Variants in E4F1 observed in about 807,000 individuals in gnomAD.
The protein encoded by E4F1 is transcription factor E4F1.
Under a neutral mutation model 72.9 loss-of-function variants are expected in E4F1, and 30 were observed. The ratio of observed to expected loss-of-function variants is 0.41; its 90% CI spans 0.31 to 0.56. E4F1 has a LOEUF of 0.56. Among genes scored for constraint, E4F1 ranks in the 20% least tolerant of loss-of-function variants. The probability of loss-of-function intolerance (pLI) is 0.25; values close to 1 mark genes in which losing one functional copy is unlikely to be tolerated. For synonymous variants in E4F1, 542 were observed against 478.2 expected (o/e 1.13, Z -1.74); for missense variants, 1,091 against 1,117.5 (o/e 0.98, Z 0.34).
Position 2,223,601 on chromosome 16 carries a change from G to A in E4F1, c.-13G>A. Reference sequence around the variant, plus strand: ...GGTCGTAAATCCGCCATCTTCCTGCGGCGCGTTGCGACATGGAGGGCGCGA... The same window carrying A: ...GGTCGTAAATCCGCCATCTTCCTGCAGCGCGTTGCGACATGGAGGGCGCGA... On this transcript the variant is annotated 5_prime_UTR_variant, in exon 1 of 14. Coordinates refer to ENST00000301727, the MANE Select transcript of E4F1 (RefSeq NM_004424.5). 1.3e-6 allele frequency: 2 copies of A among 1,583,948 alleles called. No individual in the cohort carries two copies. Among genetic ancestry groups the A allele is most frequent in the Non-Finnish European group, 8.5e-7 (1 of 1,171,490 alleles).
Position 2,232,796 on chromosome 16 carries a change from C to T in E4F1, c.771C>T (p.Phe257=). 6.2e-7 allele frequency: 1 copy of T among 1,613,382 alleles called. No individual in the cohort carries two copies. The highest frequency in any genetic ancestry group is 1.3e-5 in the African/African-American group (1 of 75,040). ...PYKCSKCGKS[F]RESGALTRHL... ...AGTGCTCCAAGTGTGGAAAGAGCTT[C>T]CGGGAGTCGGGTGCACTGACCCGGC... Residue 257 remains phenylalanine, a synonymous_variant, in exon 6 of 14, where the codon TTC becomes TTT. Coordinates refer to ENST00000301727, the MANE Select transcript of E4F1 (RefSeq NM_004424.5).
chr16:2,232,016 C>T (rs2093470459), intron 3 of E4F1, 155 bp from the exon 4 acceptor site: 1 of 892,220 alleles, frequency 1.1e-6, no homozygotes, highest in Non-Finnish European at 1.7e-6. Context: ...TGAATGGGAC[C>T]TTGGCTGTTG....
Position 2,232,468 on chromosome 16 carries a change from A to C in E4F1, c.622A>C (p.Lys208Gln), listed in dbSNP as rs1438279134. ...HKTFKTGSIL[K>Q]AHMVTHSSRK... ...CCCTCCCCCACAGGGCAGCATCCTC[A>C]AGGCCCACATGGTCACTCACAGCAG... Residue 208 changes from lysine to glutamine, a missense_variant, in exon 5 of 14, where the codon AAG becomes CAG. This residue lies in a region of E4F1 where 362 missense variants were observed against 358.6 expected (regional missense o/e 1.01). Transcript: ENST00000301727. 6.2e-7 allele frequency: 1 copy of C among 1,610,896 alleles called. No individual in the cohort carries two copies.
chr16:2,226,307 A>C (rs2093432513), intron 1 of E4F1, among the ~76,000 whole-genome samples: 1 of 152,134 alleles, frequency 6.6e-6, no homozygotes, highest in Admixed American at 6.6e-5. Flanking sequence ...GTCTGGTGTG[A>C]AATGGGCTGG....
chr16:2,232,641 A>G (rs994404438), intron 5 of E4F1, 65 bp downstream of exon 5: 3 of 1,604,126 alleles, frequency 1.9e-6, no homozygotes, highest in African/African-American at 2.7e-5. Context: ...GGGGTGCCCC[A>G]GCCTCGCATT....
At chr16:2,225,094 T>G (rs1334656734) in intron 1 of E4F1, among the ~76,000 whole-genome samples, 1 of 151,746 alleles carries the variant, frequency 6.6e-6, no homozygotes, top group African/African-American at 2.4e-5. Context: ...GCGTCTGTAA[T>G]CCCAGCTACT....
At chr16:2,231,375 C>G (rs890953488) in intron 3 of E4F1, 1 of 152,276 alleles carries the variant, frequency 6.6e-6, no homozygotes. Flanking sequence ...GGGCATCGAG[C>G]GTGTAAGGGC....
chr16:2,223,882 A>C, intron 1 of E4F1, 112 bp downstream of exon 1: 1 of 1,531,846 alleles, frequency 6.5e-7, no homozygotes, highest in Non-Finnish European at 8.7e-7. Flanking sequence ...AGACCCAGAC[A>C]CCTCGCGGAT....
At chr16:2,229,822 C>T (rs2093456026) in intron 3 of E4F1, 147 bp downstream of exon 3, 3 of 788,376 alleles carry the variant, frequency 3.8e-6, no homozygotes, top group South Asian at 3.3e-5. Context: ...TTTCTGCGGG[C>T]ACAGCCTGCA....
chr16:2,232,462 A>G lies in E4F1; in HGVS notation c.616A>G (p.Ile206Val). ...GCCACGCCCTCCCCCACAGGGCAGC[A>G]TCCTCAAGGCCCACATGGTCACTCA... ...LCHKTFKTGS[I>V]LKAHMVTHSS... The change falls in exon 5 of 14, where the codon ATC becomes GTC. Residue 206 changes from isoleucine (I) to valine (V), a missense_variant. Ile to Val is a conservative substitution (Grantham distance 29). Transcript: ENST00000301727. 6.2e-7 allele frequency: 1 copy of G among 1,610,872 alleles called. No homozygotes were observed. Among genetic ancestry groups the G allele is most frequent in the South Asian group, 1.1e-5 (1 of 90,792 alleles).
intron 1 of E4F1, among the ~76,000 whole-genome samples, chr16:2,224,704 A>C (rs1253420253): frequency 6.6e-6 from 1 of 151,648 alleles, no homozygotes; most frequent in Non-Finnish European, 1.5e-5. Context: ...AATGGCGTGA[A>C]CTCGGGAGGT....
chr16:2,233,713 C>A lies in E4F1; in HGVS notation c.1266+66C>A. ...ATCCCAGGGGCTGTCCCCACGCTGG[C>A]CTTCGCCTCCCTGAAGTGGCTTTCT... On this transcript the variant is annotated intron_variant, in intron 8 of 13. Coordinates refer to ENST00000301727, the MANE Select transcript of E4F1 (RefSeq NM_004424.5). 2.0e-6 allele frequency: 3 copies of A among 1,489,324 alleles called. No homozygotes were observed. The South Asian group carries it at 3.7e-5, about 19-fold the overall frequency. 92.3% of individuals were successfully genotyped at this position (1,489,324 alleles called of 1,614,324 possible). A position where few individuals can be genotyped will look rare whatever the true frequency, so the allele number is the denominator to read the frequency against.
Position 2,233,536 on chromosome 16 carries a change from T to C in E4F1, c.1155T>C (p.Ala385=). The change falls in exon 8 of 14, where the codon GCT becomes GCC. Residue 385 remains alanine (A), a synonymous_variant. Transcript: ENST00000301727. ...MQNSGIVLER[A]AGEEGALEPA... ...ACTCCGGCATCGTCCTTGAGCGCGC[T>C]GCTGGGGAGGAGGGTGCCCTGGAGC... 6.6e-7 allele frequency: 1 copy of C among 1,523,630 alleles called. No homozygotes were observed. Among genetic ancestry groups the C allele is most frequent in the Non-Finnish European group, 8.8e-7 (1 of 1,135,810 alleles). 94.4% of individuals were successfully genotyped at this position (1,523,630 alleles called of 1,614,324 possible).
Position 2,231,625 on chromosome 16 carries a change from G to A in E4F1, c.416-546G>A, listed in dbSNP as rs181388128. The A allele has an allele frequency of 2.9e-3, 446 of 154,368 alleles. 2 individuals are homozygous for A. The highest frequency in any genetic ancestry group is 4.1e-3 in the Non-Finnish European group (285 of 69,324). The allele number at this position is 154,368 out of a possible 1,614,324, so 9.6% of individuals were successfully genotyped here. A position where few individuals can be genotyped will look rare whatever the true frequency, so the allele number is the denominator to read the frequency against. The stretch of plus-strand genomic sequence containing the variant: ...AGAAGTGCAAAAGCCCAGCTTCCTC[G>A]CCTCAGGCTGTCCCGGGTGTCTGGA... On this transcript the variant is annotated intron_variant, in intron 3 of 13. Transcript: ENST00000301727.
In E4F1 at chr16:2,234,748, C is replaced by A. The variant is rs1290106809; in HGVS notation, c.1759C>A (p.His587Asn). 3 of 1,552,512 alleles carry A rather than the reference C, an allele frequency of 1.9e-6. No homozygotes were observed. The highest frequency in any genetic ancestry group is 1.4e-5 in the African/African-American group (1 of 73,286). ...CYKCGRGFAE[H>N]GTLNRHLRTK... ...CAAGTGCGGCCGTGGCTTCGCCGAG[C>A]ACGGCACGCTGAACCGGCACCTGCG... is the stretch of plus-strand genomic sequence containing the variant. The change falls in exon 11 of 14, where the codon CAC becomes AAC. Residue 587 changes from histidine to asparagine, a missense_variant. Coordinates refer to ENST00000301727, the MANE Select transcript of E4F1 (RefSeq NM_004424.5).
chr16:2,223,850 T>G (rs1215308618), intron 1 of E4F1, 80 bp downstream of exon 1: 21 of 1,530,636 alleles, frequency 1.4e-5, no homozygotes, highest in Non-Finnish European at 1.8e-5. Flanking sequence ...TGGCCCGAGC[T>G]GCGGGCTCGA....
rs766244863 is a variant in E4F1 at position 2,234,174 on chromosome 16, C to T, written c.1379C>T (p.Pro460Leu). 1.0e-4 allele frequency: 165 copies of T among 1,611,230 alleles called. 1 individual carries two copies. In the Admixed American group the frequency reaches 2.2e-3, roughly 22 times the overall value. The change falls in exon 10 of 14, where the codon CCG becomes CTG. Residue 460 changes from proline (P) to leucine (L), a missense_variant. By Grantham distance (98) the Pro-to-Leu change is moderately conservative (BLOSUM62 -3). Around this residue, in one of 5 missense-constraint regions of E4F1, gnomAD observed 622 missense variants for 628.0 expected, o/e 0.99. Coordinates refer to ENST00000301727, the MANE Select transcript of E4F1 (RefSeq NM_004424.5). ...CTGATGCTGTGTGTGGCTGCAGGGCCGAGGCCGTTCGCCTGCGCGCAGTGT... is the reference window on the plus strand; with the variant it reads ...CTGATGCTGTGTGTGGCTGCAGGGCTGAGGCCGTTCGCCTGCGCGCAGTGT... ...LEAHKRGHTG[P>L]RPFACAQCGK... is the part of the protein sequence containing the mutation.
chr16:2,232,647 G>A (rs886607709), intron 5 of E4F1, 71 bp downstream of exon 5: 3 of 1,603,440 alleles, frequency 1.9e-6, no homozygotes, highest in Non-Finnish European at 8.5e-7. Context: ...CCCCAGCCTC[G>A]CATTCCCCAG....
rs149872852 is a variant in E4F1 at position 2,228,224 on chromosome 16, G to C, written c.158-148G>C. 225 of 1,091,150 alleles carry C rather than the reference G, an allele frequency of 2.1e-4. No individual in the cohort carries two copies. In the African/African-American group the frequency reaches 2.9e-3, roughly 14 times the overall value. The allele number at this position is 1,091,150 out of a possible 1,614,324, so 67.6% of individuals were successfully genotyped here. A position where few individuals can be genotyped will look rare whatever the true frequency, so the allele number is the denominator to read the frequency against. ...CTTGGGATGACCTTGTTTTGGGCCC[G>C]AGTGTGTTCTCAGCAGCCTGGGGAA... On this transcript the variant is annotated intron_variant, in intron 1 of 13. Coordinates refer to ENST00000301727, the MANE Select transcript of E4F1 (RefSeq NM_004424.5).
Sources: gnomAD v4.1 joint callset for allele counts (sites outside exome capture counted in the v4.1 genomes callset) on GRCh38, gnomAD v4.1.1 for gene constraint, gnomAD v4.1.1 regional missense constraint, MANE v1.5 for transcripts, NCBI Gene and HGNC (gene_info 2026-07-23, HGNC 2026-07-21) for gene names.